GALC: variants seen among roughly 807,000 people sequenced by gnomAD.
The protein encoded by GALC is galactocerebrosidase.
A neutral mutation model predicts 91.8 loss-of-function variants in GALC; 77 were observed. That is an observed-to-expected ratio of 0.84 (90% CI 0.70 to 1.01). The LOEUF (loss-of-function observed/expected upper bound fraction) is 1.01, where lower values mean the gene tolerates loss of function less well. Among genes scored for constraint, GALC ranks in the 50% least tolerant of loss-of-function variants. GALC has a pLI of 0.00. For missense variants in GALC, 882 were observed against 855.9 expected (o/e 1.03, Z -0.38); for synonymous variants, 357 against 306.7 (o/e 1.16, Z -1.71).
chr14:87,965,996 C>A (rs942511069), intron 8 of GALC, among the ~76,000 whole-genome samples: 1 of 152,154 alleles, frequency 6.6e-6, no homozygotes, highest in Non-Finnish European at 1.5e-5. Flanking sequence ...TTCCTTTCAA[C>A]AGTCAGCCTT....
intron 3 of GALC, chr14:87,986,977 T>C: frequency 1.1e-5 from 5 of 445,960 alleles, no homozygotes; most frequent in Admixed American, 1.0e-4. Context: ...ACCTCAACTT[T>C]CAGCTTTTCA....
intron 7 of GALC, among the ~76,000 whole-genome samples, chr14:87,969,678 T>TAG (rs1886201876): frequency 6.6e-6 from 1 of 152,210 alleles, no homozygotes; most frequent in Non-Finnish European, 1.5e-5. Flanking sequence ...GGTGTAGTAG[T>TAG]ATTTATAACA....
At chr14:87,958,851 T>C (rs1885673371) in intron 10 of GALC, among the ~76,000 whole-genome samples, 1 of 151,954 alleles carries the variant, frequency 6.6e-6, no homozygotes, top group African/African-American at 2.4e-5. Context: ...AACTCAAAAT[T>C]GATTACATAC....
chr14:87,990,319 G>C (rs1452603254), intron 1 of GALC, among the ~76,000 whole-genome samples: 2 of 152,126 alleles, frequency 1.3e-5, no homozygotes, highest in African/African-American at 2.4e-5. Flanking sequence ...AATGGAGTTT[G>C]TATCCTGATT....
intron 5 of GALC, among the ~76,000 whole-genome samples, chr14:87,983,871 G>A (rs1444970101): frequency 6.6e-6 from 1 of 152,192 alleles, no homozygotes; most frequent in African/African-American, 2.4e-5. Context: ...CAACTTGAGA[G>A]CTAAAAGTGT....
chr14:87,952,880 G>A, intron 10 of GALC: 2 of 1,030,292 alleles, frequency 1.9e-6, no homozygotes, highest in South Asian at 1.3e-5. Flanking sequence ...GCATAGTTCT[G>A]CATTTAACTG....
At chr14:87,968,301 T>G in intron 8 of GALC, 34 bp downstream of exon 8, 1 of 1,549,686 alleles carries the variant, frequency 6.5e-7, no homozygotes, top group South Asian at 1.2e-5. Flanking sequence ...AAATTTTTTT[T>G]GATAAGAACT....
chr14:87,938,480 G>A (rs764156887), intron 16 of GALC, among the ~76,000 whole-genome samples: 2 of 151,920 alleles, frequency 1.3e-5, no homozygotes, highest in Non-Finnish European at 2.9e-5. Context: ...ACATCAATAT[G>A]GAGAACAGAA....
chr14:87,939,957 C>T lies in GALC; in HGVS notation c.1859G>A (p.Gly620Glu). ...TTTTTTTGCTGTAACTTCAACACGT[C>T]CTAAAGCATATATAATCCATCCAGC... ...DLAGWIIYAL[G>E]RVEVTAKKWY... is the part of the protein sequence containing the mutation. Residue 620 changes from glycine (G) to glutamate (E), a missense_variant, in exon 16 of 17, where the codon GGA becomes GAA. Coordinates refer to ENST00000261304, the MANE Select transcript of GALC (RefSeq NM_000153.4). The T allele has an allele frequency of 6.2e-7, 1 of 1,610,546 alleles. No individual in the cohort carries two copies. Among genetic ancestry groups the T allele is most frequent in the Middle Eastern group, 1.7e-4 (1 of 6,044 alleles).
intron 7 of GALC, among the ~76,000 whole-genome samples, chr14:87,974,069 A>G (rs2140011829): frequency 6.6e-6 from 1 of 152,314 alleles, no homozygotes; most frequent in Admixed American, 6.5e-5. Context: ...AAATCATTCA[A>G]TAACAAAAGA....
chr14:87,950,117 T>C (rs1331111618), intron 11 of GALC, among the ~76,000 whole-genome samples, 186 bp from the exon 12 acceptor site: 1 of 152,032 alleles, frequency 6.6e-6, no homozygotes, highest in Non-Finnish European at 1.5e-5. Context: ...AAATACTTTA[T>C]TCTCTAAACA....
intron 8 of GALC, among the ~76,000 whole-genome samples, chr14:87,967,252 C>T (rs777593907): frequency 1.3e-5 from 2 of 152,198 alleles, no homozygotes; most frequent in East Asian, 3.9e-4. Context: ...TGTATACATG[C>T]CAATATAAAA....
At chr14:87,939,774 G>A (rs967180735) in intron 16 of GALC, 131 bp downstream of exon 16, 43 of 755,108 alleles carry the variant, frequency 5.7e-5, no homozygotes, top group South Asian at 8.5e-5. Flanking sequence ...GTGGCTTCCC[G>A]GCACCAAGGC....
chr14:87,979,017 CTT>C (rs1410663302), intron 6 of GALC, among the ~76,000 whole-genome samples: 1 of 151,956 alleles, frequency 6.6e-6, no homozygotes, highest in Non-Finnish European at 1.5e-5. Context: ...TTATTGAACT[CTT>C]TGTGATAGGC....
intron 7 of GALC, among the ~76,000 whole-genome samples, chr14:87,973,030 G>A (rs915639128): frequency 5.0e-4 from 6 of 11,938 alleles, no homozygotes; most frequent in Non-Finnish European, 6.0e-4. Flanking sequence ...GAATTGTGTC[G>A]TTACTTATAA....
chr14:87,992,390 C>T, intron 1 of GALC: 1 of 1,535,688 alleles, frequency 6.5e-7, no homozygotes, highest in South Asian at 1.2e-5. Context: ...TTTAAAGAGA[C>T]CTTGAGGCAC....
chr14:87,982,451 T>A (rs1218910201), intron 5 of GALC, among the ~76,000 whole-genome samples: 1 of 152,172 alleles, frequency 6.6e-6, no homozygotes, highest in East Asian at 1.9e-4. Context: ...TTAAAAACCT[T>A]AAAATATTTA....
upstream of GALC, chr14:87,993,644 TGA>T (rs1887341038): frequency 1.6e-6 from 1 of 627,040 alleles, no homozygotes; most frequent in African/African-American, 1.8e-5. Flanking sequence ...AGTGAGGGAC[TGA>T]GAGAAAAGTT....
Position 87,984,381 on chromosome 14 carries a change from A to ATATAT in GALC, c.582+8_582+12dup. 6.2e-7 allele frequency: 1 copy of ATATAT among 1,603,968 alleles called. No individual in the cohort carries two copies. Among genetic ancestry groups the ATATAT allele is most frequent in the South Asian group, 1.1e-5 (1 of 89,962 alleles). On this transcript the variant is annotated intron_variant, in intron 5 of 16. Coordinates refer to ENST00000261304, the MANE Select transcript of GALC (RefSeq NM_000153.4). ...TGTCCAAAACTGAATCATATTTTAAATATATTACTAACTCCAATATAATCA... is the reference window on the plus strand; with the variant it reads ...TGTCCAAAACTGAATCATATTTTAAATATATTATATTACTAACTCCAATATAATCA...
Sources: allele counts gnomAD v4.1 joint callset (sites outside exome capture counted in the v4.1 genomes callset), GRCh38; gene constraint gnomAD v4.1.1; transcripts MANE v1.5; gene names NCBI Gene and HGNC (gene_info 2026-07-23, HGNC 2026-07-21).